Variants in TYW1B observed in about 807,000 individuals in gnomAD.
TYW1B encodes the protein tRNA-yW synthesizing protein 1 homolog B, also known as S-adenosyl-L-methionine-dependent tRNA 4-demethylwyosine synthase TYW1B.
TYW1B carries 73 observed loss-of-function variants against 86.9 expected under a neutral mutation model. The ratio of observed to expected loss-of-function variants is 0.84; its 90% confidence interval spans 0.70 to 1.02. TYW1B has a LOEUF of 1.02. Among genes scored for constraint, TYW1B ranks in the 50% least tolerant of loss-of-function variants. TYW1B has a pLI of 0.00. For synonymous variants in TYW1B, 248 were observed against 292.8 expected (o/e 0.85, Z 1.56); for missense variants, 637 against 827.4 (o/e 0.77, Z 2.82).
intron 11 of TYW1B, among the ~76,000 whole-genome samples, chr7:72,662,277 A>T (rs1302954829): frequency 3.9e-5 from 6 of 152,236 alleles, no homozygotes; most frequent in Non-Finnish European, 7.3e-5. Context: ...AAGTCAATGG[A>T]GTCAACAGAT....
rs1369757785 is a variant in TYW1B at position 72,593,823 on chromosome 7, A to T, written c.1786-18104T>A. On this transcript the variant is annotated intron_variant, in intron 13 of 13. Coordinates refer to ENST00000620995, the MANE Select transcript of TYW1B (RefSeq NM_001145440.3). The stretch of plus-strand genomic sequence containing the variant: ...GGTGACAGAGCCAGACTCCATCTAA[A>T]AAAAAAAAAAAAAAAAAAAAAAAAA... Among the ~76,000 whole-genome samples the T allele has an allele frequency of 2.3e-3, 129 of 56,866 alleles. 1 individual carries two copies. Among genetic ancestry groups the T allele is most frequent in the African/African-American group, 0.013 (115 of 8,610 alleles). 37.3% of individuals were successfully genotyped at this position (56,866 alleles called of 152,430 possible).
At chr7:72,737,905 G>A (rs1192318706) in intron 8 of TYW1B, among the ~76,000 whole-genome samples, 2 of 150,244 alleles carry the variant, frequency 1.3e-5, no homozygotes, top group Non-Finnish European at 3.0e-5. Context: ...CTCCTGAGTA[G>A]CTGGGACTAC....
At chr7:72,719,668 C>A (rs570422473) in intron 9 of TYW1B, among the ~76,000 whole-genome samples, 1 of 145,812 alleles carries the variant, frequency 6.9e-6, no homozygotes, top group African/African-American at 2.5e-5. Flanking sequence ...GTGATAGGCA[C>A]GTGGAGAAGA....
chr7:72,681,785 C>A (rs2129569966), intron 11 of TYW1B, among the ~76,000 whole-genome samples: 1 of 151,254 alleles, frequency 6.6e-6, no homozygotes, highest in East Asian at 2.0e-4. Flanking sequence ...CGGGGTTTCA[C>A]CGTGTTAGCC....
chr7:72,749,394 C>A (rs1294078064), intron 7 of TYW1B, among the ~76,000 whole-genome samples: 12 of 152,002 alleles, frequency 7.9e-5, no homozygotes, highest in African/African-American at 2.9e-4. Context: ...CTTGGGTTCA[C>A]GCCATTCTCC....
At chr7:72,699,196 C>G (rs1437266438) in intron 10 of TYW1B, among the ~76,000 whole-genome samples, 1 of 152,142 alleles carries the variant, frequency 6.6e-6, no homozygotes, top group Non-Finnish European at 1.5e-5. Flanking sequence ...CAGAGTTCAT[C>G]AGGAAGAGAA....
intron 10 of TYW1B, chr7:72,698,069 G>C (rs2129570351): frequency 6.5e-6 from 1 of 154,122 alleles, no homozygotes; most frequent in African/African-American, 2.4e-5. Flanking sequence ...TAAGCAGAGT[G>C]ACCCAAACAA....
intron 2 of TYW1B, among the ~76,000 whole-genome samples, chr7:72,824,181 G>A (rs1788887876): frequency 6.6e-6 from 1 of 151,986 alleles, no homozygotes. Flanking sequence ...GTACTATTCT[G>A]CGCAACTTCC....
chr7:72,811,302 GAA>G (rs1563102774), intron 3 of TYW1B, among the ~76,000 whole-genome samples: 2 of 143,802 alleles, frequency 1.4e-5, no homozygotes, highest in South Asian at 2.2e-4. Flanking sequence ...AAAGAAAAAA[GAA>G]AAAAGAAAAG....
At chr7:72,612,207 C>T (rs185789607) in intron 13 of TYW1B, among the ~76,000 whole-genome samples, 20 of 152,064 alleles carry the variant, frequency 1.3e-4, no homozygotes, top group South Asian at 2.1e-4. Context: ...TTAGAGAGAA[C>T]GAAGAGACAG....
At chr7:72,783,398 A>G (rs1554471939) in intron 6 of TYW1B, among the ~76,000 whole-genome samples, 4 of 151,570 alleles carry the variant, frequency 2.6e-5, no homozygotes, top group Non-Finnish European at 5.9e-5. Flanking sequence ...AAAAAAAAAA[A>G]AAGAAACTTT....
chr7:72,651,481 G>GGTA (rs1211333423), intron 11 of TYW1B, among the ~76,000 whole-genome samples: 1 of 151,772 alleles, frequency 6.6e-6, no homozygotes, highest in Admixed American at 6.6e-5. Flanking sequence ...AGCTGGGCAT[G>GGTA]GCGGGCACCT....
In TYW1B at chr7:72,808,529, CT is replaced by C. The variant is rs66804350; in HGVS notation, c.433-1174del. Among the ~76,000 whole-genome samples, 145 of 138,598 alleles carry C rather than the reference CT, an allele frequency of 1.0e-3. 1 individual carries two copies. Among genetic ancestry groups the C allele is most frequent in the African/African-American group, 2.8e-3 (107 of 37,628 alleles). The allele number at this position is 138,598 out of a possible 152,430, so 90.9% of individuals were successfully genotyped here. A position where few individuals can be genotyped will look rare whatever the true frequency, so the allele number is the denominator to read the frequency against. On this transcript the variant is annotated intron_variant, in intron 4 of 13. Coordinates refer to ENST00000620995, the MANE Select transcript of TYW1B (RefSeq NM_001145440.3). ...TGAAAACAGCTTTTATTTTATTTTA[CT>C]TTTTTTTTTTTTTTGAGACGGAGTT...
At chr7:72,765,987 G>A (rs1787762093) in intron 7 of TYW1B, among the ~76,000 whole-genome samples, 1 of 152,120 alleles carries the variant, frequency 6.6e-6, no homozygotes. Flanking sequence ...TTCTCACTTG[G>A]CAGACTTGTA....
intron 10 of TYW1B, among the ~76,000 whole-genome samples, chr7:72,704,406 C>CA (rs1172514734): frequency 7.4e-6 from 1 of 134,230 alleles, no homozygotes; most frequent in Non-Finnish European, 1.5e-5. Context: ...TGCACTCCAG[C>CA]ATAGGAGACA....
chr7:72,683,458 T>C (rs1391197525), intron 11 of TYW1B, among the ~76,000 whole-genome samples: 1 of 152,084 alleles, frequency 6.6e-6, no homozygotes, highest in Non-Finnish European at 1.5e-5. Context: ...TAATCCTAGC[T>C]ACTTGGAAGG....
intron 12 of TYW1B, among the ~76,000 whole-genome samples, chr7:72,626,587 T>C (rs1812354259): frequency 6.6e-6 from 1 of 152,162 alleles, no homozygotes; most frequent in Non-Finnish European, 1.5e-5. Context: ...TGGTTTCCTG[T>C]ATCTCAGCAA....
intron 6 of TYW1B, among the ~76,000 whole-genome samples, chr7:72,799,276 A>G (rs1788363056): frequency 6.8e-6 from 1 of 146,708 alleles, no homozygotes; most frequent in African/African-American, 2.5e-5. Context: ...CTCGTGCCTC[A>G]GCCTCCCAAG....
At chr7:72,593,598 G>A (rs1317112935) in intron 13 of TYW1B, among the ~76,000 whole-genome samples, 4 of 151,918 alleles carry the variant, frequency 2.6e-5, no homozygotes, top group East Asian at 1.9e-4. Flanking sequence ...CAAGGCGGGC[G>A]GATCACAAGG....
Sources: allele counts gnomAD v4.1 joint callset (sites outside exome capture counted in the v4.1 genomes callset), GRCh38; gene constraint gnomAD v4.1.1; transcripts MANE v1.5; gene names NCBI Gene and HGNC (gene_info 2026-07-23, HGNC 2026-07-21).